Variants in DYNC1I1 observed in about 807,000 individuals in gnomAD.
DYNC1I1 encodes cytoplasmic dynein 1 intermediate chain 1.
A neutral mutation model predicts 86.6 loss-of-function variants in DYNC1I1; 43 were observed. The ratio of observed to expected loss-of-function variants is 0.50; its 90% CI spans 0.39 to 0.64. The LOEUF is 0.64. Among genes scored for constraint, DYNC1I1 ranks in the 30% least tolerant of loss-of-function variants. The pLI, the probability that DYNC1I1 is intolerant of heterozygous loss-of-function variation, is 0.00. For synonymous variants in DYNC1I1, 262 were observed against 283.7 expected, an observed-to-expected ratio of 0.92 and a Z score of 0.77; for missense variants, 604 against 788.8, an observed-to-expected ratio of 0.77 and a Z score of 2.81.
chr7:95,975,803 A>G (rs2115620370), intron 6 of DYNC1I1, among the ~76,000 whole-genome samples: 1 of 152,338 alleles, frequency 6.6e-6, no homozygotes, highest in Non-Finnish European at 1.5e-5. Context: ...ACTTACCAAC[A>G]GCTGAGAGGC....
intron 10 of DYNC1I1, among the ~76,000 whole-genome samples, chr7:96,002,291 T>A (rs1794031540): frequency 6.6e-6 from 1 of 152,218 alleles, no homozygotes; most frequent in South Asian, 2.1e-4. Context: ...AAATGCCAGT[T>A]GATAGAGGGA....
At chr7:95,857,336 C>G (rs562648669) in intron 5 of DYNC1I1, among the ~76,000 whole-genome samples, 1 of 152,266 alleles carries the variant, frequency 6.6e-6, no homozygotes, top group African/African-American at 2.4e-5. Context: ...GGAGAAACAC[C>G]TCTTTTATTT....
chr7:95,781,056 A>G (rs1003915169), intron 1 of DYNC1I1, among the ~76,000 whole-genome samples: 1 of 152,144 alleles, frequency 6.6e-6, no homozygotes. Flanking sequence ...GACTTTGTTC[A>G]CTTTCAGAAG....
At chr7:95,811,926 C>G (rs936520392) in intron 3 of DYNC1I1, among the ~76,000 whole-genome samples, 1 of 152,158 alleles carries the variant, frequency 6.6e-6, no homozygotes, top group African/African-American at 2.4e-5. Flanking sequence ...CTCCCCTACC[C>G]TACATAAAGC....
rs774410304 is a variant in DYNC1I1 at position 96,028,209 on chromosome 7, A to G, written c.1004A>G (p.His335Arg). Residue 335 changes from histidine to arginine, a missense_variant, in exon 11 of 17, where the codon CAT (histidine) becomes CGT (arginine). His to Arg is a conservative substitution (Grantham distance 29). Coordinates refer to ENST00000447467, the MANE Select transcript of DYNC1I1 (RefSeq NM_001135556.2). ...ATGTCGGTCTGCTTCGCCCGTTTCC[A>G]TCCTAACTTGGTGGTTGGTGGGACT... is the stretch of plus-strand genomic sequence containing the variant. Reference protein sequence around the residue: ...SVMSVCFARFHPNLVVGGTYS... With the variant: ...SVMSVCFARFRPNLVVGGTYS... 14 of 1,613,436 alleles carry G rather than the reference A, an allele frequency of 8.7e-6. No homozygotes were observed. The highest frequency in any genetic ancestry group is 1.2e-5 in the Non-Finnish European group (14 of 1,179,824).
chr7:96,085,942 A>G (rs1042017790), intron 16 of DYNC1I1, among the ~76,000 whole-genome samples: 20 of 152,058 alleles, frequency 1.3e-4, no homozygotes, highest in Non-Finnish European at 2.8e-4. Flanking sequence ...TTTTTTTTCA[A>G]ATGATGTATG....
chr7:96,078,457 T>C (rs919238025), intron 15 of DYNC1I1, among the ~76,000 whole-genome samples: 3 of 152,186 alleles, frequency 2.0e-5, no homozygotes, highest in African/African-American at 7.2e-5. Flanking sequence ...CATTTATGAA[T>C]TTTCTAGCGC....
chr7:96,097,204 T>C (rs2116334379), intron 16 of DYNC1I1, among the ~76,000 whole-genome samples: 1 of 152,332 alleles, frequency 6.6e-6, no homozygotes, highest in East Asian at 1.9e-4. Flanking sequence ...AAAAGCACTT[T>C]GATGTGGCTA....
At chr7:95,980,416 A>C (rs1584221503) in intron 7 of DYNC1I1, among the ~76,000 whole-genome samples, 1 of 151,942 alleles carries the variant, frequency 6.6e-6, no homozygotes. Flanking sequence ...GGGCTGTGTC[A>C]GCACTTCCAT....
chr7:95,897,736 G>GTT (rs1491231334), intron 6 of DYNC1I1, among the ~76,000 whole-genome samples: 2 of 21,602 alleles, frequency 9.3e-5, no homozygotes, highest in African/African-American at 2.0e-4. Flanking sequence ...TAGTTGAGTT[G>GTT]ATTTTTTTTT....
At chr7:95,987,265 G>T in intron 9 of DYNC1I1, 110 bp downstream of exon 9, 1 of 945,922 alleles carries the variant, frequency 1.1e-6, no homozygotes, top group Non-Finnish European at 1.6e-6. Flanking sequence ...TATGCCTGTT[G>T]GTTTTTTTCC....
intron 6 of DYNC1I1, among the ~76,000 whole-genome samples, chr7:95,886,941 T>A (rs966763308): frequency 6.6e-6 from 1 of 152,206 alleles, no homozygotes; most frequent in Non-Finnish European, 1.5e-5. Context: ...GCTCAGTGTA[T>A]ACGACAGGGC....
intron 5 of DYNC1I1, among the ~76,000 whole-genome samples, chr7:95,843,635 A>G (rs914052641): frequency 4.6e-5 from 7 of 152,200 alleles, no homozygotes; most frequent in African/African-American, 1.4e-4. Flanking sequence ...TCTGGTTTGT[A>G]TGTTAACTAT....
At chr7:95,907,192 A>G (rs1164318470) in intron 6 of DYNC1I1, among the ~76,000 whole-genome samples, 2 of 152,104 alleles carry the variant, frequency 1.3e-5, no homozygotes, top group African/African-American at 2.4e-5. Flanking sequence ...TTCTCAGGTA[A>G]TGCAAAACAG....
At chr7:95,957,875 A>G (rs992396814) in intron 6 of DYNC1I1, among the ~76,000 whole-genome samples, 1 of 152,112 alleles carries the variant, frequency 6.6e-6, no homozygotes, top group African/African-American at 2.4e-5. Flanking sequence ...AGGAAATACC[A>G]CCACTCACGA....
intron 14 of DYNC1I1, among the ~76,000 whole-genome samples, chr7:96,043,878 T>G (rs1392327595): frequency 6.6e-6 from 1 of 151,972 alleles, no homozygotes; most frequent in Non-Finnish European, 1.5e-5. Flanking sequence ...ACTGGCTAAT[T>G]TTTGTATTTT....
In DYNC1I1 at chr7:96,105,210, A is replaced by AT. The variant is rs948898348; in HGVS notation, c.1543-4762dup. 1.1e-4 allele frequency among the ~76,000 whole-genome samples: 16 copies of AT among 152,074 alleles called. No individual in the cohort carries two copies. In the East Asian group the frequency reaches 2.1e-3, roughly 20 times the overall value. On this transcript the variant is annotated intron_variant, in intron 16 of 16. Coordinates refer to the DYNC1I1 transcript ENST00000537881. ...TGCTAAATATACTCATTATTTATAG[A>AT]TTTTTTTAGATATAATTGCTTACTA... is the stretch of plus-strand genomic sequence containing the variant.
intron 16 of DYNC1I1, among the ~76,000 whole-genome samples, chr7:96,087,769 T>TA (rs1420187327): frequency 1.3e-4 from 20 of 152,212 alleles, no homozygotes; most frequent in African/African-American, 3.9e-4. Flanking sequence ...CTTGAATTTT[T>TA]AGTGTTACAG....
intron 1 of DYNC1I1, among the ~76,000 whole-genome samples, chr7:95,781,240 A>G (rs1302888921): frequency 6.6e-6 from 1 of 152,226 alleles, no homozygotes; most frequent in Non-Finnish European, 1.5e-5. Context: ...TTGAATATTT[A>G]CACATTTTCT....
Sources: gnomAD v4.1 joint callset for allele counts (sites outside exome capture counted in the v4.1 genomes callset) on GRCh38, gnomAD v4.1.1 for gene constraint, MANE v1.5 for transcripts, NCBI Gene and HGNC (gene_info 2026-07-23, HGNC 2026-07-21) for gene names.